The following POMGNT1 variants were observed in gnomAD, a reference collection of about 807,000 sequenced individuals.
The protein encoded by POMGNT1 is protein O-linked mannose N-acetylglucosaminyltransferase 1 (beta 1,2-).
Under a neutral mutation model 95.6 loss-of-function variants are expected in POMGNT1, and 67 were observed. The ratio of observed to expected loss-of-function variants is 0.70; its 90% CI spans 0.58 to 0.86. The LOEUF is 0.86. POMGNT1 is among the 40% of genes least tolerant of loss of function. The probability of loss-of-function intolerance (pLI) is 0.00; values close to 1 mark genes in which losing one functional copy is unlikely to be tolerated. For missense variants in POMGNT1, 719 were observed against 855.2 expected (o/e 0.84, Z 1.99); for synonymous variants, 298 against 317.9 (o/e 0.94, Z 0.66).
chr1:46,220,055 G>A, exon 1 of POMGNT1: 2 of 1,614,258 alleles, frequency 1.2e-6, no homozygotes, highest in Non-Finnish European at 1.7e-6. Context: ...GGACTGAGGT[G>A]GATGTGGCAG....
intron 1 of POMGNT1, among the ~76,000 whole-genome samples, chr1:46,212,016 C>T (rs1658912387): frequency 6.6e-6 from 1 of 152,136 alleles, no homozygotes; most frequent in Non-Finnish European, 1.5e-5. Context: ...CCCACCTCGA[C>T]CTCCCAAAGT....
chr1:46,203,648 AG>A (rs1425794520), intron 1 of POMGNT1: 2 of 1,593,562 alleles, frequency 1.3e-6, no homozygotes, highest in South Asian at 1.1e-5. Context: ...CCATGGGCCA[AG>A]GGGACGAGTC....
At chr1:46,201,555 C>G (rs1049800025), upstream of POMGNT1, among the ~76,000 whole-genome samples, 5 of 151,446 alleles carry the variant, frequency 3.3e-5, no homozygotes, top group Non-Finnish European at 7.4e-5. Flanking sequence ...AAAAATTAGT[C>G]GGGCATGGTG....
intron 1 of POMGNT1, among the ~76,000 whole-genome samples, chr1:46,212,178 T>C (rs929420064): frequency 6.6e-6 from 1 of 152,260 alleles, no homozygotes; most frequent in Non-Finnish European, 1.5e-5. Context: ...ATTTACTGTG[T>C]TTGTGTGACC....
chr1:46,194,076 T>G (rs1441054098), intron 9 of POMGNT1, 151 bp from the exon 10 acceptor site: 24 of 1,534,464 alleles, frequency 1.6e-5, no homozygotes, highest in Admixed American at 4.0e-5. Flanking sequence ...CTCCACACAC[T>G]CAGCCCAACT....
At chr1:46,220,110 G>A (rs1472988736) in exon 1 of POMGNT1, 2 of 1,614,124 alleles carry the variant, frequency 1.2e-6, no homozygotes, top group East Asian at 4.5e-5. Flanking sequence ...GCCCCCAGGG[G>A]AGAGGCTTCA....
rs980591079 is a variant in POMGNT1, at chr1:46,189,184, A to G, written c.*86T>C. ...CAAGGTAGCCCCAGCCCCTACCAGC[A>G]TCTACAAAATCCTACAGGATGGAGG... On this transcript the variant is annotated 3_prime_UTR_variant, in exon 22 of 22. Transcript: ENST00000371984. 2.6e-6 allele frequency: 4 copies of G among 1,536,958 alleles called. No homozygotes were observed. In the African/African-American group the frequency reaches 5.6e-5, roughly 21 times the overall value.
At chr1:46,220,302 T>A (rs1659201317) in exon 1 of POMGNT1, 1 of 1,415,044 alleles carries the variant, frequency 7.1e-7, no homozygotes, top group African/African-American at 1.4e-5. Context: ...TCCCTCAGTC[T>A]GAGACTAGGA....
Position 46,197,077 on chromosome 1 carries a change from G to A in POMGNT1, c.128C>T (p.Ala43Val). Residue 43 changes from alanine (A) to valine (V), a missense_variant, in exon 3 of 22, where the codon GCC becomes GTC. Ala to Val is a moderately conservative substitution (Grantham distance 64). Around this residue, in one of 5 missense-constraint regions of POMGNT1, gnomAD observed 466 missense variants for 517.4 expected, o/e 0.90. Coordinates refer to ENST00000371984, the MANE Select transcript of POMGNT1 (RefSeq NM_017739.4). ...RALRRFCQTGAVLFLLVTVIV... is the reference protein window; with the variant it reads ...RALRRFCQTGVVLFLLVTVIV... ...GACAGTCACCAGCAGGAAAAGCACG[G>A]CCCCTGTCTGAGGGGAGGGGTAGGG... 6.2e-7 allele frequency: 1 copy of A among 1,614,154 alleles called. No individual in the cohort carries two copies. The highest frequency in any genetic ancestry group is 8.5e-7 in the Non-Finnish European group (1 of 1,180,004).
upstream of POMGNT1, among the ~76,000 whole-genome samples, chr1:46,202,920 G>GTGGTGTGTGTGTGTGTGTGT (rs540959987): frequency 2.3e-4 from 15 of 64,514 alleles, no homozygotes; most frequent in African/African-American, 1.0e-3. Flanking sequence ...GGGGGGGGGT[G>GTGGTGTGTGTGTGTGTGTGT]GTGTGTGTGT....
chr1:46,203,646 C>T, intron 1 of POMGNT1: 1 of 1,594,196 alleles, frequency 6.3e-7, no homozygotes, highest in Middle Eastern at 1.7e-4. Flanking sequence ...ATCCATGGGC[C>T]AAGGGGACGA....
rs1339767677 is a variant in POMGNT1 at position 46,193,399 on chromosome 1, T to C, written c.1027-11A>G. 24 of 1,610,340 alleles carry C rather than the reference T, an allele frequency of 1.5e-5. No homozygotes were observed. The highest frequency in any genetic ancestry group is 1.9e-5 in the Non-Finnish European group (22 of 1,178,212). ...CACATCCATGGGTTCCTGGGGGACA[T>C]GGCCACTGCTCACCATGTGAGGTCA... On this transcript the variant is annotated splice_polypyrimidine_tract_variant and intron_variant, in intron 11 of 21. Transcript: ENST00000371984.
chr1:46,215,240 AAAAG>A (rs1659030075), intron 1 of POMGNT1, among the ~76,000 whole-genome samples: 1 of 151,952 alleles, frequency 6.6e-6, no homozygotes, highest in South Asian at 2.1e-4. Context: ...AAAAAAAAAA[AAAAG>A]AGATGCAAGA....
intron 1 of POMGNT1, among the ~76,000 whole-genome samples, chr1:46,206,249 T>G (rs1658710427): frequency 6.6e-6 from 1 of 152,218 alleles, no homozygotes; most frequent in Admixed American, 6.5e-5. Context: ...TCTCCTGGCC[T>G]CAGTTTTTCC....
At chr1:46,208,999 A>T (rs1368939933) in intron 1 of POMGNT1, among the ~76,000 whole-genome samples, 1 of 152,210 alleles carries the variant, frequency 6.6e-6, no homozygotes, top group East Asian at 1.9e-4. Context: ...GTCCCGAGCC[A>T]GCAGTGGGGA....
chr1:46,193,718 A>G, intron 10 of POMGNT1, 79 bp from the exon 11 acceptor site: 5 of 1,606,144 alleles, frequency 3.1e-6, no homozygotes, highest in Non-Finnish European at 4.3e-6. Flanking sequence ...CTGGGCCCAG[A>G]GTCCCTATGC....
At position 46,196,115 on chromosome 1, in the gene POMGNT1, T is replaced by C. The variant is rs1230183372; in HGVS notation, c.355-38A>G. 1 of 1,613,550 alleles carries C rather than the reference T, an allele frequency of 6.2e-7. No individual in the cohort carries two copies. ...AGAGACAAAGTCCAGCTTTTCACTC[T>C]GGCATTCAAGGTGTCTCTGTCTTAG... On this transcript the variant is annotated intron_variant, in intron 4 of 21. Coordinates refer to ENST00000371984, the MANE Select transcript of POMGNT1 (RefSeq NM_017739.4). This position sits in a 1 kb window ranked among gnomAD's most constrained non-coding sequence, Gnocchi z 4.4.
chr1:46,190,897 A>G (rs371776876), intron 17 of POMGNT1, 113 bp from the exon 18 acceptor site: 19 of 1,010,254 alleles, frequency 1.9e-5, no homozygotes, highest in African/African-American at 8.0e-5. Flanking sequence ...ACCTGTAAAG[A>G]GCCCTCTAAT....
chr1:46,207,544 C>CA (rs1184159483), intron 1 of POMGNT1, among the ~76,000 whole-genome samples: 1 of 146,478 alleles, frequency 6.8e-6, no homozygotes. Flanking sequence ...TTCTTTCTTT[C>CA]TTTTTTTTTT....
Sources: gnomAD v4.1 joint callset for allele counts (sites outside exome capture counted in the v4.1 genomes callset) on GRCh38, gnomAD v4.1.1 for gene constraint, gnomAD v4.1.1 regional missense constraint, Gnocchi (gnomAD v3.1) non-coding constraint, MANE v1.5 for transcripts, NCBI Gene and HGNC (gene_info 2026-07-23, HGNC 2026-07-21) for gene names.